Variants in FRK observed in about 807,000 individuals in gnomAD.
FRK encodes tyrosine-protein kinase FRK.
In FRK, 51 loss-of-function variants were observed where a neutral mutation model predicts 56.4. That is an observed-to-expected ratio of 0.90 (90% confidence interval 0.72 to 1.14). FRK has a LOEUF of 1.14. FRK is among the 50% of genes most tolerant of loss of function. The pLI, the probability that FRK is intolerant of heterozygous loss-of-function variation, is 0.00. For missense variants in FRK, 570 were observed against 601.4 expected (o/e 0.95, Z 0.55); for synonymous variants, 245 against 217.9 (o/e 1.12, Z -1.10).
At chr6:116,074,771 T>A in the FRK span, among the ~76,000 whole-genome samples, 1 of 152,232 alleles carries the variant, frequency 6.6e-6, no homozygotes, top group African/African-American at 2.4e-5. Flanking sequence ...CACAGCCCTA[T>A]GAAGGGATGT....
intron 1 of FRK, among the ~76,000 whole-genome samples, chr6:116,030,552 A>G (rs895304108): frequency 6.6e-6 from 1 of 152,198 alleles, no homozygotes; most frequent in Non-Finnish European, 1.5e-5. Context: ...ACAAGCCATG[A>G]GGAGGGAAGA....
chr6:116,042,503 A>G (rs1340144598), intron 1 of FRK, among the ~76,000 whole-genome samples: 2 of 152,248 alleles, frequency 1.3e-5, no homozygotes, highest in African/African-American at 4.8e-5. Context: ...CAAGCAAAGG[A>G]GCAATAAAAT....
At chr6:116,056,200 GT>G (rs540554217) in intron 1 of FRK, among the ~76,000 whole-genome samples, 2,150 of 132,644 alleles carry the variant, frequency 0.016, 19 homozygotes, top group Middle Eastern at 0.038. Flanking sequence ...TGTTCATTTG[GT>G]TTTTTTTTTT....
intron 1 of FRK, among the ~76,000 whole-genome samples, chr6:116,028,241 T>C (rs1776169325): frequency 6.6e-6 from 1 of 152,202 alleles, no homozygotes; most frequent in Non-Finnish European, 1.5e-5. Flanking sequence ...CAATTTATTT[T>C]TAAAAATTTC....
At chr6:116,012,756 C>T (rs750612518) in intron 1 of FRK, among the ~76,000 whole-genome samples, 10 of 152,182 alleles carry the variant, frequency 6.6e-5, no homozygotes, top group African/African-American at 1.2e-4. Flanking sequence ...GAGCTTGCCA[C>T]ATAGCTTGCA....
the FRK span, among the ~76,000 whole-genome samples, chr6:116,087,243 G>A: frequency 1.3e-5 from 2 of 152,200 alleles, no homozygotes; most frequent in Non-Finnish European, 2.9e-5. Context: ...TGCCTGGCAC[G>A]CAGTATATTC....
chr6:115,991,926 T>A (rs1198578947), intron 2 of FRK, among the ~76,000 whole-genome samples: 3 of 151,636 alleles, frequency 2.0e-5, no homozygotes, highest in Non-Finnish European at 4.4e-5. Context: ...GGTGGTAGAT[T>A]TTTTTATTAC....
At chr6:116,096,647 T>A in the FRK span, among the ~76,000 whole-genome samples, 1 of 151,828 alleles carries the variant, frequency 6.6e-6, no homozygotes, top group Non-Finnish European at 1.5e-5. Flanking sequence ...CTCTGTAAAA[T>A]GGACCAATCA....
intron 2 of FRK, among the ~76,000 whole-genome samples, chr6:115,978,674 G>C (rs1774078814): frequency 6.6e-6 from 1 of 152,176 alleles, no homozygotes; most frequent in African/African-American, 2.4e-5. Context: ...TAAGATTATA[G>C]TGGAGCTGAA....
At chr6:116,016,701 A>C (rs1775668868) in intron 1 of FRK, among the ~76,000 whole-genome samples, 1 of 152,182 alleles carries the variant, frequency 6.6e-6, no homozygotes, top group Non-Finnish European at 1.5e-5. Context: ...CAGAACAAGC[A>C]CACACGTTCT....
intron 2 of FRK, among the ~76,000 whole-genome samples, chr6:115,984,415 G>A (rs1345560227): frequency 1.3e-5 from 2 of 151,916 alleles, no homozygotes; most frequent in Non-Finnish European, 2.9e-5. Context: ...TCCTGATATG[G>A]GAAAGTGAAG....
At chr6:115,991,538 T>G (rs1242248720) in intron 2 of FRK, among the ~76,000 whole-genome samples, 1 of 151,916 alleles carries the variant, frequency 6.6e-6, no homozygotes, top group Non-Finnish European at 1.5e-5. Context: ...GCATAATTTT[T>G]GTTTTTAATT....
At chr6:115,967,467 C>T in intron 4 of FRK, 84 bp downstream of exon 4, 1 of 1,375,208 alleles carries the variant, frequency 7.3e-7, no homozygotes, top group African/African-American at 1.4e-5. Flanking sequence ...GTATTAGCCA[C>T]CCTATGACCT....
the FRK span, among the ~76,000 whole-genome samples, chr6:116,079,784 C>G: frequency 6.6e-6 from 1 of 152,022 alleles, no homozygotes; most frequent in African/African-American, 2.4e-5. Context: ...ACTATGTTGC[C>G]CAGGCTGGTC....
chr6:116,100,522 G>T, the FRK span, among the ~76,000 whole-genome samples: 1 of 151,960 alleles, frequency 6.6e-6, no homozygotes. Context: ...GAGGCGCCCT[G>T]AGGCGATGGA....
the FRK span, among the ~76,000 whole-genome samples, chr6:116,083,000 C>T: frequency 4.8e-4 from 73 of 151,962 alleles, no homozygotes; most frequent in Non-Finnish European, 9.6e-4. Flanking sequence ...GTTCAAGGAA[C>T]GCAGAAGTTT....
At chr6:115,997,423 A>G (rs1703885795) in intron 2 of FRK, among the ~76,000 whole-genome samples, 1 of 151,842 alleles carries the variant, frequency 6.6e-6, no homozygotes, top group South Asian at 2.1e-4. Flanking sequence ...AAATCAGCAC[A>G]AACAAGTCTC....
At chr6:116,048,889 G>A (rs762764972) in intron 1 of FRK, among the ~76,000 whole-genome samples, 5 of 152,054 alleles carry the variant, frequency 3.3e-5, no homozygotes, top group Admixed American at 2.0e-4. Flanking sequence ...TATGCTTAGC[G>A]CATTGAATGT....
chr6:116,071,282 T>TA, the FRK span, among the ~76,000 whole-genome samples: 1 of 152,186 alleles, frequency 6.6e-6, no homozygotes, highest in Non-Finnish European at 1.5e-5. Flanking sequence ...AAGTCTGTAA[T>TA]ATGTGCTCTA....
Sources: gnomAD v4.1 joint callset for allele counts (sites outside exome capture counted in the v4.1 genomes callset) on GRCh38, gnomAD v4.1.1 for gene constraint, MANE v1.5 for transcripts, NCBI Gene and HGNC (gene_info 2026-07-23, HGNC 2026-07-21) for gene names.